The following TTC28 variants were observed in gnomAD, a reference collection of about 807,000 sequenced individuals.
TTC28 encodes tetratricopeptide repeat domain 28.
A neutral mutation model predicts 198.0 loss-of-function variants in TTC28; 61 were observed. The observed-to-expected ratio is 0.31, with a 90% CI of 0.25 to 0.38. The LOEUF (loss-of-function observed/expected upper bound fraction) is 0.38. Ranked by LOEUF, TTC28 falls within the 10% of genes least tolerant of loss-of-function variation. The probability of loss-of-function intolerance (pLI) is 1.00; values close to 1 mark genes in which losing one functional copy is unlikely to be tolerated. For missense variants in TTC28, 2,678 were observed against 3,164.0 expected (o/e 0.85, Z 3.69); for synonymous variants, 1,171 against 1,297.8 (o/e 0.90, Z 2.10).
chr22:28,677,179 T>A (rs200368283), intron 1 of TTC28, among the ~76,000 whole-genome samples: 9,559 of 68,494 alleles, frequency 0.14, 898 homozygotes, highest in African/African-American at 0.22. Flanking sequence ...AAAAAAAATA[T>A]ATATATATAT....
chr22:28,249,245 G>A (rs1930340042), intron 5 of TTC28, among the ~76,000 whole-genome samples: 2 of 152,072 alleles, frequency 1.3e-5, no homozygotes. Context: ...ATGAGGACAA[G>A]AACAGTATCT....
At chr22:28,540,816 G>A (rs2049395484) in intron 2 of TTC28, among the ~76,000 whole-genome samples, 1 of 151,942 alleles carries the variant, frequency 6.6e-6, no homozygotes, top group South Asian at 2.1e-4. Flanking sequence ...ATTCTACAGG[G>A]GAAAAAATTG....
chr22:28,675,528 GACC>G (rs2051968873), intron 1 of TTC28, among the ~76,000 whole-genome samples: 1 of 151,968 alleles, frequency 6.6e-6, no homozygotes, highest in Non-Finnish European at 1.5e-5. Flanking sequence ...GAGGCTGGTG[GACC>G]ACTTGAGCCC....
At chr22:28,024,720 T>G (rs928715807) in intron 13 of TTC28, among the ~76,000 whole-genome samples, 1 of 152,116 alleles carries the variant, frequency 6.6e-6, no homozygotes, top group African/African-American at 2.4e-5. Context: ...GAGCAACCGT[T>G]TGAGGCTGTT....
chr22:28,162,140 T>A (rs990186838), intron 6 of TTC28, among the ~76,000 whole-genome samples: 2 of 152,162 alleles, frequency 1.3e-5, no homozygotes, highest in East Asian at 3.9e-4. Context: ...AGGGATAAGA[T>A]AATATCTTCT....
At chr22:28,071,722 T>A (rs1601587430) in intron 12 of TTC28, among the ~76,000 whole-genome samples, 1 of 109,956 alleles carries the variant, frequency 9.1e-6, no homozygotes. Context: ...ACCCTAAAAC[T>A]TAAAGTATAA....
At chr22:28,008,856 G>T (rs1025739591) in intron 14 of TTC28, among the ~76,000 whole-genome samples, 1 of 152,296 alleles carries the variant, frequency 6.6e-6, no homozygotes, top group African/African-American at 2.4e-5. Context: ...GAGAGAACTC[G>T]GAGGCAGCCT....
intron 10 of TTC28, 63 bp from the exon 11 acceptor site, chr22:28,096,471 C>T (rs1261824268): frequency 6.6e-7 from 1 of 1,513,294 alleles, no homozygotes; most frequent in African/African-American, 1.4e-5. Context: ...AGAGGCCTAT[C>T]AGGGACGGCC....
intron 2 of TTC28, among the ~76,000 whole-genome samples, chr22:28,426,149 T>C (rs1458701382): frequency 2.0e-5 from 3 of 149,808 alleles, no homozygotes; most frequent in Non-Finnish European, 4.4e-5. Flanking sequence ...GAGGCCGAAG[T>C]TGCAGTGAGC....
chr22:28,398,638 T>C (rs1014007164), intron 2 of TTC28, among the ~76,000 whole-genome samples: 1 of 152,220 alleles, frequency 6.6e-6, no homozygotes, highest in Admixed American at 6.5e-5. Flanking sequence ...GGTGCTTTGT[T>C]ATAATGCTGC....
chr22:28,641,350 AACACACATTACAACATGGATGAACCTT>A (rs2051362784), intron 1 of TTC28, among the ~76,000 whole-genome samples: 1 of 152,092 alleles, frequency 6.6e-6, no homozygotes, highest in Non-Finnish European at 1.5e-5. Context: ...AAATGAATAA[AACACACATTACAACATGGATGAACCTT>A]AAAAATATTA....
chr22:28,298,248 T>G (rs1390774506), intron 3 of TTC28, among the ~76,000 whole-genome samples: 3 of 152,238 alleles, frequency 2.0e-5, no homozygotes, highest in Non-Finnish European at 1.5e-5. Context: ...TATCCAAACT[T>G]GTGCTGCATT....
chr22:28,551,313 G>A (rs937158790), intron 2 of TTC28, among the ~76,000 whole-genome samples: 14 of 152,220 alleles, frequency 9.2e-5, no homozygotes, highest in African/African-American at 3.1e-4. Context: ...AAGATGAATT[G>A]CTACCAATCT....
chr22:28,524,318 G>A (rs2048966593), intron 2 of TTC28, among the ~76,000 whole-genome samples: 2 of 151,632 alleles, frequency 1.3e-5, no homozygotes, highest in Non-Finnish European at 2.9e-5. Context: ...AAATTGGCCG[G>A]GCATGGTGGC....
In TTC28 at chr22:28,574,100, C is replaced by G. The variant is rs540607733; in HGVS notation, c.381+55452G>C. ...CAATCATAGCTTACTGCAGCCTCAA[C>G]CTCCCCAGGCTCAGGTGATCCTCCC... On this transcript the variant is annotated intron_variant, in intron 2 of 22. Transcript: ENST00000397906. Among the ~76,000 whole-genome samples, 118 of 152,146 alleles carry G rather than the reference C, an allele frequency of 7.8e-4. 2 individuals are homozygous for G. The highest frequency in any genetic ancestry group is 2.2e-4 in the Non-Finnish European group (15 of 68,030).
intron 6 of TTC28, among the ~76,000 whole-genome samples, chr22:28,137,057 C>CGA (rs1943216141): frequency 6.6e-6 from 1 of 152,214 alleles, no homozygotes; most frequent in African/African-American, 2.4e-5. Flanking sequence ...AACCAGTATT[C>CGA]TCATGGCTGT....
intron 2 of TTC28, among the ~76,000 whole-genome samples, chr22:28,585,065 C>A (rs2050293854): frequency 6.6e-6 from 1 of 152,074 alleles, no homozygotes; most frequent in African/African-American, 2.4e-5. Flanking sequence ...AAGGACCAGG[C>A]CCTTAAATTA....
intron 12 of TTC28, among the ~76,000 whole-genome samples, chr22:28,085,428 G>T (rs1941546999): frequency 6.6e-6 from 1 of 152,088 alleles, no homozygotes. Context: ...ATAAGTGAAG[G>T]AGAAATAAAA....
At chr22:28,084,261 C>T (rs534435697) in intron 12 of TTC28, among the ~76,000 whole-genome samples, 1 of 152,326 alleles carries the variant, frequency 6.6e-6, no homozygotes, top group South Asian at 2.1e-4. Flanking sequence ...AAGCACACCC[C>T]AGTAGCGGCG....
Sources: allele counts gnomAD v4.1 joint callset (sites outside exome capture counted in the v4.1 genomes callset), GRCh38; gene constraint gnomAD v4.1.1; transcripts MANE v1.5; gene names NCBI Gene and HGNC (gene_info 2026-07-23, HGNC 2026-07-21).